The following MGAT4C variants were observed in gnomAD, a reference collection of about 807,000 sequenced individuals.
MGAT4C encodes the protein alpha-1,3-mannosyl-glycoprotein 4-beta-N-acetylglucosaminyltransferase C.
Under a neutral mutation model 40.1 loss-of-function variants are expected in MGAT4C, and 19 were observed. That is an observed-to-expected ratio of 0.47 (90% CI 0.33 to 0.70). MGAT4C has a LOEUF of 0.70. MGAT4C is among the 30% of genes least tolerant of loss of function. MGAT4C has a pLI of 0.02. For missense variants in MGAT4C, 491 were observed against 563.2 expected, an observed-to-expected ratio of 0.87 and a Z score of 1.30; for synonymous variants, 181 against 187.1, an observed-to-expected ratio of 0.97 and a Z score of 0.27.
intron 2 of MGAT4C, among the ~76,000 whole-genome samples, chr12:86,043,308 C>T (rs1270272932): frequency 1.3e-5 from 2 of 152,146 alleles, no homozygotes; most frequent in Admixed American, 6.5e-5. Flanking sequence ...AGTCCAAGTC[C>T]AAAACCTCAA....
chr12:86,703,189 T>C (rs977414183), intron 2 of MGAT4C, among the ~76,000 whole-genome samples: 2 of 152,152 alleles, frequency 1.3e-5, no homozygotes, highest in Non-Finnish European at 2.9e-5. Context: ...AAAGTGCTTT[T>C]TTGAGATGAA....
chr12:86,606,554 A>G (rs1962053213), intron 2 of MGAT4C, among the ~76,000 whole-genome samples: 1 of 152,132 alleles, frequency 6.6e-6, no homozygotes, highest in Admixed American at 6.6e-5. Flanking sequence ...TGTGAGCTAG[A>G]GCAGAGAATA....
intron 1 of MGAT4C, among the ~76,000 whole-genome samples, chr12:86,211,512 G>A (rs1268510950): frequency 6.7e-6 from 1 of 149,318 alleles, no homozygotes; most frequent in East Asian, 2.0e-4. Context: ...GCTGGAAACC[G>A]AGAGGCGGAG....
At chr12:86,171,284 G>A (rs1359434842) in intron 1 of MGAT4C, among the ~76,000 whole-genome samples, 2 of 152,034 alleles carry the variant, frequency 1.3e-5, no homozygotes, top group Admixed American at 6.6e-5. Context: ...CAGGAGAATC[G>A]CTTGAACCCA....
At chr12:86,632,518 A>C (rs540829791) in intron 2 of MGAT4C, among the ~76,000 whole-genome samples, 24 of 152,270 alleles carry the variant, frequency 1.6e-4, no homozygotes, top group African/African-American at 5.5e-4. Flanking sequence ...AATGTCCATC[A>C]ATGATAGACT....
chr12:86,613,858 C>T (rs1236483230), intron 2 of MGAT4C, among the ~76,000 whole-genome samples: 2 of 152,016 alleles, frequency 1.3e-5, no homozygotes, highest in East Asian at 1.9e-4. Flanking sequence ...ACAGGAAGTA[C>T]ATTTAAAACA....
At chr12:85,989,359 G>C in intron 3 of MGAT4C, 41 bp downstream of exon 3, 1 of 1,515,628 alleles carries the variant, frequency 6.6e-7, no homozygotes, top group Middle Eastern at 1.8e-4. Flanking sequence ...TTTGACTTAT[G>C]CCTTATTTTG....
At chr12:86,686,521 GT>G (rs1484314905) in intron 2 of MGAT4C, among the ~76,000 whole-genome samples, 2 of 152,078 alleles carry the variant, frequency 1.3e-5, no homozygotes, top group Non-Finnish European at 1.5e-5. Context: ...TCAATACCTA[GT>G]TTTTGAGTGT....
At chr12:86,279,657 CT>C (rs34788484) in intron 4 of MGAT4C, among the ~76,000 whole-genome samples, 188 of 146,922 alleles carry the variant, frequency 1.3e-3, no homozygotes, top group African/African-American at 4.3e-3. Flanking sequence ...CTGCTCTGAT[CT>C]TTTTTTTTTC....
At chr12:86,240,319 T>A (rs890573921) in intron 1 of MGAT4C, among the ~76,000 whole-genome samples, 1 of 151,932 alleles carries the variant, frequency 6.6e-6, no homozygotes, top group African/African-American at 2.4e-5. Flanking sequence ...CAAATGTCTA[T>A]CACTTTTTTA....
In MGAT4C at chr12:86,040,193, T is replaced by C. The variant is rs548766507; in HGVS notation, c.-7+9481A>G. Among the ~76,000 whole-genome samples, 4 of 152,338 alleles carry C rather than the reference T, an allele frequency of 2.6e-5. No individual in the cohort carries two copies. In the East Asian group the frequency reaches 7.7e-4, roughly 29 times the overall value. On this transcript the variant is annotated intron_variant, in intron 2 of 4. Coordinates refer to ENST00000611864, the MANE Select transcript of MGAT4C (RefSeq NM_001351288.2). ...GCCCCTACTGGGAAGAGTCTCCCAG[T>C]CAGGATTCACAGGGGTCAGGGACCC...
rs112371998 is a variant in MGAT4C, at chr12:86,033,811, G to A, written c.-7+15863C>T. 4.3e-3 allele frequency among the ~76,000 whole-genome samples: 649 copies of A among 149,436 alleles called. 11 individuals are homozygous for A. The highest frequency in any genetic ancestry group is 0.015 in the African/African-American group (624 of 41,256). Reference sequence around the variant, plus strand: ...ATGTTGAATAGGAGTGGTGAAAGAGGGTATCCTTTTCTTGCTCCAGTTCCC... The same window carrying A: ...ATGTTGAATAGGAGTGGTGAAAGAGAGTATCCTTTTCTTGCTCCAGTTCCC... On this transcript the variant is annotated intron_variant, in intron 2 of 4. Transcript: ENST00000611864.
intron 1 of MGAT4C, among the ~76,000 whole-genome samples, chr12:86,178,942 T>C (rs56182551): frequency 0.073 from 11,153 of 152,248 alleles, 573 homozygotes; most frequent in Middle Eastern, 0.21. Flanking sequence ...CCTGAATCTT[T>C]AGATTCAACC....
chr12:86,503,948 A>G (rs1444728328), intron 2 of MGAT4C, among the ~76,000 whole-genome samples: 1 of 150,902 alleles, frequency 6.6e-6, no homozygotes, highest in African/African-American at 2.4e-5. Flanking sequence ...TACGTTTAAA[A>G]CCTTCCTACA....
chr12:86,011,592 G>A (rs1463282725), intron 2 of MGAT4C, among the ~76,000 whole-genome samples: 4 of 152,124 alleles, frequency 2.6e-5, no homozygotes, highest in Admixed American at 6.5e-5. Flanking sequence ...AGTAGAAAAC[G>A]GGATGAGAGA....
chr12:86,818,218 T>C (rs1212120162), intron 1 of MGAT4C, among the ~76,000 whole-genome samples: 1 of 151,184 alleles, frequency 6.6e-6, no homozygotes, highest in African/African-American at 2.4e-5. Flanking sequence ...GAATTAGCAT[T>C]TCCAAGACCA....
intron 2 of MGAT4C, among the ~76,000 whole-genome samples, chr12:86,711,461 C>T (rs944855327): frequency 1.3e-5 from 2 of 151,968 alleles, no homozygotes; most frequent in African/African-American, 2.4e-5. Flanking sequence ...ACAGATCTAC[C>T]GCATAGTTTT....
rs144159726 is a variant in MGAT4C at position 86,009,782 on chromosome 12, C to T, written c.-6-20230G>A. Among the ~76,000 whole-genome samples the T allele has an allele frequency of 2.1e-3, 322 of 152,194 alleles. 2 individuals are homozygous for T. Among genetic ancestry groups the T allele is most frequent in the African/African-American group, 7.2e-3 (298 of 41,544 alleles). ...GCCTACACATTCTTTCCTTTATTTT[C>T]TTGAAAAACGTTGCTCCATTATTGT... On this transcript the variant is annotated intron_variant, in intron 2 of 4. Coordinates refer to ENST00000611864, the MANE Select transcript of MGAT4C (RefSeq NM_001351288.2).
intron 4 of MGAT4C, among the ~76,000 whole-genome samples, chr12:86,303,569 AG>A (rs1382086697): frequency 6.7e-6 from 1 of 149,126 alleles, no homozygotes; most frequent in Non-Finnish European, 1.5e-5. Context: ...TAAAAAAAAA[AG>A]AATAAAACTA....
Sources: allele counts gnomAD v4.1 joint callset (sites outside exome capture counted in the v4.1 genomes callset), GRCh38; gene constraint gnomAD v4.1.1; transcripts MANE v1.5; gene names NCBI Gene and HGNC (gene_info 2026-07-23, HGNC 2026-07-21).